Variants in DGKI observed in about 807,000 individuals in gnomAD.
DGKI encodes the protein diacylglycerol kinase iota.
A neutral mutation model predicts 147.5 loss-of-function variants in DGKI; 55 were observed. The ratio of observed to expected loss-of-function variants is 0.37; its 90% CI spans 0.30 to 0.47. The LOEUF is 0.47. Ranked by LOEUF, DGKI falls within the 20% of genes least tolerant of loss-of-function variation. The probability of loss-of-function intolerance (pLI) is 1.00; values close to 1 mark genes in which losing one functional copy is unlikely to be tolerated. For missense variants in DGKI, 1,007 were observed against 1,323.8 expected, an observed-to-expected ratio of 0.76 and a Z score of 3.71; for synonymous variants, 469 against 477.1, an observed-to-expected ratio of 0.98 and a Z score of 0.22.
intron 3 of DGKI, among the ~76,000 whole-genome samples, chr7:137,663,006 C>T (rs1252441725): frequency 6.6e-6 from 1 of 152,230 alleles, no homozygotes; most frequent in East Asian, 1.9e-4. Context: ...TACACCAATA[C>T]TCCTGAATCT....
At position 137,577,212 on chromosome 7, in the gene DGKI, C is replaced by T. The variant is rs374571221; in HGVS notation, c.1761+10G>A. On this transcript the variant is annotated intron_variant, in intron 17 of 32. Transcript: ENST00000614521. ...TTCAAATTAAATAAATCAACATATT[C>T]AATACTTACAACAACTTTAACATGT... 10 of 1,567,970 alleles carry T rather than the reference C, an allele frequency of 6.4e-6. No individual in the cohort carries two copies. The African/African-American group carries it at 6.8e-5, about 11-fold the overall frequency.
intron 20 of DGKI, among the ~76,000 whole-genome samples, chr7:137,540,800 G>A (rs1192566651): frequency 2.8e-5 from 3 of 109,022 alleles, no homozygotes; most frequent in Non-Finnish European, 6.0e-5. Flanking sequence ...ATTTACAATG[G>A]CTCCAAAAAC....
intron 1 of DGKI, among the ~76,000 whole-genome samples, chr7:137,835,279 C>A (rs1322913480): frequency 6.6e-6 from 1 of 152,132 alleles, no homozygotes; most frequent in Non-Finnish European, 1.5e-5. Flanking sequence ...CTGTGGGTAG[C>A]CTGAACCTGC....
intron 28 of DGKI, among the ~76,000 whole-genome samples, chr7:137,413,230 C>A (rs1184916653): frequency 1.4e-5 from 2 of 148,110 alleles, no homozygotes; most frequent in Non-Finnish European, 3.0e-5. Flanking sequence ...CGCGCCACTG[C>A]CCTCCTGCCC....
At chr7:137,630,987 T>C (rs1190904821) in intron 6 of DGKI, among the ~76,000 whole-genome samples, 1 of 151,066 alleles carries the variant, frequency 6.6e-6, no homozygotes, top group Non-Finnish European at 1.5e-5. Context: ...AAAGCAGGGT[T>C]TTTTTTGAAA....
At chr7:137,690,294 C>T (rs1390433659) in intron 1 of DGKI, among the ~76,000 whole-genome samples, 7 of 151,782 alleles carry the variant, frequency 4.6e-5, no homozygotes, top group Admixed American at 3.9e-4. Flanking sequence ...GAGCAAAGGT[C>T]TTGACTCTTC....
chr7:137,400,350 T>C (rs1811706415), intron 30 of DGKI, among the ~76,000 whole-genome samples: 1 of 152,240 alleles, frequency 6.6e-6, no homozygotes, highest in Admixed American at 6.5e-5. Context: ...GTACTGCTAA[T>C]TGCACAACTA....
chr7:137,840,139 C>A (rs1429251848), intron 1 of DGKI, among the ~76,000 whole-genome samples: 1 of 152,216 alleles, frequency 6.6e-6, no homozygotes, highest in Non-Finnish European at 1.5e-5. Flanking sequence ...CACTCGTGAG[C>A]CATTCTTCAA....
intron 27 of DGKI, among the ~76,000 whole-genome samples, chr7:137,452,085 T>C (rs1405248500): frequency 6.6e-6 from 1 of 152,218 alleles, no homozygotes; most frequent in East Asian, 1.9e-4. Context: ...TACAAATGAA[T>C]GTCTATCTCT....
chr7:137,424,976 A>G (rs1812732188), intron 28 of DGKI, among the ~76,000 whole-genome samples: 1 of 152,302 alleles, frequency 6.6e-6, no homozygotes, highest in African/African-American at 2.4e-5. Context: ...AGACAAACAA[A>G]AAGACAGCAG....
At chr7:137,780,433 G>A (rs544273430) in intron 1 of DGKI, among the ~76,000 whole-genome samples, 1 of 152,242 alleles carries the variant, frequency 6.6e-6, no homozygotes, top group South Asian at 2.1e-4. Flanking sequence ...ATGAGCTTAG[G>A]GGAAATCTAT....
At chr7:137,487,465 C>CA in intron 22 of DGKI, 145 bp downstream of exon 22, 1 of 729,422 alleles carries the variant, frequency 1.4e-6, no homozygotes, top group South Asian at 1.6e-5. Flanking sequence ...GAGAGGGTGA[C>CA]ATACAGCGTA....
At chr7:137,657,206 C>G (rs1822257021) in intron 3 of DGKI, among the ~76,000 whole-genome samples, 1 of 152,202 alleles carries the variant, frequency 6.6e-6, no homozygotes, top group Non-Finnish European at 1.5e-5. Flanking sequence ...TTCTTATAAG[C>G]ACTTCACAAA....
intron 28 of DGKI, among the ~76,000 whole-genome samples, chr7:137,425,810 T>C (rs1812778394): frequency 6.6e-6 from 1 of 151,854 alleles, no homozygotes. Context: ...TGATGGAAGA[T>C]GAAGTGAATG....
At chr7:137,841,606 C>T (rs1798545631) in intron 1 of DGKI, among the ~76,000 whole-genome samples, 1 of 152,190 alleles carries the variant, frequency 6.6e-6, no homozygotes, top group Non-Finnish European at 1.5e-5. Flanking sequence ...GCAAATGTCA[C>T]AGCCCAACGT....
chr7:137,567,642 T>G (rs1204218472), intron 19 of DGKI, among the ~76,000 whole-genome samples: 1 of 152,136 alleles, frequency 6.6e-6, no homozygotes, highest in Non-Finnish European at 1.5e-5. Context: ...AACCACAATG[T>G]GTAAGTTTTA....
intron 23 of DGKI, among the ~76,000 whole-genome samples, chr7:137,475,095 T>G (rs1815123429): frequency 6.6e-6 from 1 of 152,176 alleles, no homozygotes; most frequent in South Asian, 2.1e-4. Flanking sequence ...CTGCCCTTAG[T>G]CACATGAGGG....
At chr7:137,414,816 C>G (rs2128902782) in intron 28 of DGKI, among the ~76,000 whole-genome samples, 1 of 152,240 alleles carries the variant, frequency 6.6e-6, no homozygotes, top group East Asian at 1.9e-4. Context: ...CTAATCGCTA[C>G]AATTTATTGG....
At chr7:137,780,299 T>A (rs1480116127) in intron 1 of DGKI, among the ~76,000 whole-genome samples, 3 of 152,178 alleles carry the variant, frequency 2.0e-5, no homozygotes, top group Non-Finnish European at 4.4e-5. Flanking sequence ...AGGAATGGTA[T>A]TTAGAGTAAT....
Sources: allele counts gnomAD v4.1 joint callset (sites outside exome capture counted in the v4.1 genomes callset), GRCh38; gene constraint gnomAD v4.1.1; transcripts MANE v1.5; gene names NCBI Gene and HGNC (gene_info 2026-07-23, HGNC 2026-07-21).